Variants in CDYL2 observed in about 807,000 individuals in gnomAD.
The protein encoded by CDYL2 is chromodomain Y-like protein 2.
Under a neutral mutation model 49.4 loss-of-function variants are expected in CDYL2, and 23 were observed. The ratio of observed to expected loss-of-function variants is 0.47; its 90% confidence interval spans 0.34 to 0.66. The LOEUF is 0.66. Ranked by LOEUF, CDYL2 falls within the 30% of genes least tolerant of loss-of-function variation. CDYL2 has a pLI of 0.01. For synonymous variants in CDYL2, 360 were observed against 268.8 expected, an observed-to-expected ratio of 1.34 and a Z score of -3.32; for missense variants, 678 against 656.4, an observed-to-expected ratio of 1.03 and a Z score of -0.36.
At chr16:80,727,737 C>T (rs1015096376) in intron 1 of CDYL2, among the ~76,000 whole-genome samples, 60 of 152,304 alleles carry the variant, frequency 3.9e-4, no homozygotes, top group African/African-American at 1.2e-3. Context: ...TCTCCCAGCA[C>T]GCAGCGGGAG....
intron 1 of CDYL2, among the ~76,000 whole-genome samples, chr16:80,765,136 A>ATTATAGTACTATATAT (rs1906675577): frequency 6.9e-6 from 1 of 144,394 alleles, no homozygotes. Context: ...GTACTATATA[A>ATTATAGTACTATATAT]TATATAGTAC....
chr16:80,663,385 C>T (rs1247289655), intron 2 of CDYL2, among the ~76,000 whole-genome samples: 3 of 151,850 alleles, frequency 2.0e-5, no homozygotes, highest in African/African-American at 7.3e-5. Flanking sequence ...GCTCTCAGGA[C>T]CTGAATGCAA....
chr16:80,606,105 CCCTGGCT>C (rs1218041980), intron 6 of CDYL2, among the ~76,000 whole-genome samples: 1 of 152,224 alleles, frequency 6.6e-6, no homozygotes, highest in African/African-American at 2.4e-5. Flanking sequence ...GATGGCAGCT[CCCTGGCT>C]CCAGCAGACT....
chr16:80,728,477 T>G (rs544428168), intron 1 of CDYL2, among the ~76,000 whole-genome samples: 1 of 152,228 alleles, frequency 6.6e-6, no homozygotes, highest in Non-Finnish European at 1.5e-5. Context: ...CTGATTGGTG[T>G]ACCTGAAAGT....
At chr16:80,627,087 A>G (rs1014170287) in intron 3 of CDYL2, among the ~76,000 whole-genome samples, 1 of 152,166 alleles carries the variant, frequency 6.6e-6, no homozygotes, top group Non-Finnish European at 1.5e-5. Context: ...CTGGATGTCA[A>G]TCTGAATTGA....
intron 1 of CDYL2, among the ~76,000 whole-genome samples, chr16:80,793,047 A>G (rs1025682000): frequency 3.3e-5 from 5 of 152,148 alleles, no homozygotes; most frequent in African/African-American, 9.7e-5. Flanking sequence ...CCTGCTTTCC[A>G]CATTTCCTTA....
chr16:80,666,155 G>A (rs1909253975), intron 2 of CDYL2, among the ~76,000 whole-genome samples: 1 of 152,152 alleles, frequency 6.6e-6, no homozygotes, highest in Non-Finnish European at 1.5e-5. Context: ...CTCAAAAGCT[G>A]GTAAGACCTG....
chr16:80,703,718 C>T (rs964077502), intron 1 of CDYL2, among the ~76,000 whole-genome samples: 2 of 152,142 alleles, frequency 1.3e-5, no homozygotes, highest in Admixed American at 6.5e-5. Flanking sequence ...GGCTTCTCCA[C>T]GGCTATTCCT....
rs376651338 is a variant in CDYL2, at chr16:80,633,137, C to T, written c.716G>A (p.Ser239Asn). Reference sequence around the variant, plus strand: ...ACAGTTGCTTTCATTCTGGCGGACACTGTATCTGAGCCTTTTGTCAAAGAC... The same window carrying T: ...ACAGTTGCTTTCATTCTGGCGGACATTGTATCTGAGCCTTTTGTCAAAGAC... ...DYVFDKRLRY[S>N]VRQNESNCRF... The change falls in exon 3 of 7, where the codon AGT (serine) becomes AAT (asparagine). Residue 239 changes from serine (S) to asparagine (N), a missense_variant. By Grantham distance (46) the Ser-to-Asn change is conservative. Around this residue, in one of 3 missense-constraint regions of CDYL2, gnomAD observed 478 missense variants for 427.0 expected, o/e 1.12. Coordinates refer to ENST00000570137, the MANE Select transcript of CDYL2 (RefSeq NM_152342.4). The T allele has an allele frequency of 1.2e-6, 2 of 1,614,126 alleles. No homozygotes were observed. The highest frequency in any genetic ancestry group is 1.7e-6 in the Non-Finnish European group (2 of 1,180,046).
At position 80,625,326 on chromosome 16, in the gene CDYL2, G is replaced by T. The variant is rs369678879; in HGVS notation, c.835-4391C>A. 7.9e-5 allele frequency among the ~76,000 whole-genome samples: 12 copies of T among 152,296 alleles called. No individual in the cohort carries two copies. The East Asian group carries it at 2.1e-3, about 27-fold the overall frequency. The stretch of plus-strand genomic sequence containing the variant: ...ATCAAAGGCAATAATGCCGAGCTGG[G>T]TCTTCCTCACCTTCTCAGTTTGTGT... On this transcript the variant is annotated intron_variant, in intron 3 of 6. Transcript: ENST00000570137.
intron 5 of CDYL2, among the ~76,000 whole-genome samples, chr16:80,610,835 C>A (rs114001983): frequency 0.015 from 2,304 of 152,266 alleles, 60 homozygotes; most frequent in African/African-American, 0.051. Flanking sequence ...TTGTGGGTCT[C>A]CTATGACCTA....
intron 2 of CDYL2, among the ~76,000 whole-genome samples, chr16:80,652,943 T>C (rs1908647943): frequency 1.3e-5 from 2 of 152,212 alleles, no homozygotes; most frequent in Non-Finnish European, 2.9e-5. Flanking sequence ...TGATTAAACA[T>C]AATATTCTCT....
intron 1 of CDYL2, among the ~76,000 whole-genome samples, chr16:80,766,159 T>C (rs1161309133): frequency 2.6e-5 from 4 of 151,920 alleles, no homozygotes; most frequent in African/African-American, 7.3e-5. Context: ...ATGACCACTG[T>C]TCCAAAACTG....
chr16:80,602,400 C>G lies in CDYL2; in HGVS notation c.*1988G>C, dbSNP rs33943240. On this transcript the variant is annotated 3_prime_UTR_variant, in exon 7 of 7. Coordinates refer to ENST00000570137, the MANE Select transcript of CDYL2 (RefSeq NM_152342.4). The stretch of plus-strand genomic sequence containing the variant: ...CCCTCATGAACTCTTAAAGGAGACA[C>G]GCTTTCCAGGGAGGGAACCAAGGTC... 0.25 allele frequency: 38,494 copies of G among 151,976 alleles called. 5,774 individuals carry two copies. Among genetic ancestry groups the G allele is most frequent in the African/African-American group, 0.4 (16,652 of 41,394 alleles). The allele number at this position is 151,976 out of a possible 1,614,324, so 9.4% of individuals were successfully genotyped here. A position where few individuals can be genotyped will look rare whatever the true frequency, so the allele number is the denominator to read the frequency against.
intron 2 of CDYL2, among the ~76,000 whole-genome samples, chr16:80,683,885 T>C (rs72806190): frequency 0.013 from 1,935 of 152,308 alleles, 20 homozygotes; most frequent in Middle Eastern, 0.037. Context: ...GCCTTCAGAA[T>C]TGTGAGAAAT....
chr16:80,602,909 TCCTG>T lies in CDYL2; in HGVS notation c.*1475_*1478del, dbSNP rs56844080. On this transcript the variant is annotated 3_prime_UTR_variant, in exon 7 of 7. Transcript: ENST00000570137. ...TTTGTCTGCTCTCAACTTCAGGTTT[TCCTG>T]AACTTTCTCCTCACCACTCAAAACC... 0.46 allele frequency: 69,964 copies of T among 151,504 alleles called. 17,358 individuals carry two copies. The highest frequency in any genetic ancestry group is 0.65 in the African/African-American group (26,855 of 41,198). The allele number at this position is 151,504 out of a possible 1,614,324, so 9.4% of individuals were successfully genotyped here.
In CDYL2 at chr16:80,604,207, G is replaced by C. The variant is rs879108551; in HGVS notation, c.*181C>G. On this transcript the variant is annotated 3_prime_UTR_variant, in exon 7 of 7. Transcript: ENST00000570137. ...AGGTGGGGGAGGCCAAGTATGCTGC[G>C]TTTTCCATCCATTACACAAAATCAA... 7.4e-6 allele frequency: 5 copies of C among 672,758 alleles called. No individual in the cohort carries two copies. The highest frequency in any genetic ancestry group is 2.8e-5 in the Admixed American group (1 of 35,522). 41.7% of individuals were successfully genotyped at this position (672,758 alleles called of 1,614,324 possible). A position where few individuals can be genotyped will look rare whatever the true frequency, so the allele number is the denominator to read the frequency against.
In CDYL2 at chr16:80,685,092, C is replaced by T. The variant is rs1264674884; in HGVS notation, c.62G>A (p.Gly21Glu). The T allele has an allele frequency of 6.2e-7, 1 of 1,613,840 alleles. No individual in the cohort carries two copies. The change falls in exon 2 of 7, where the codon GGA (glycine) becomes GAA (glutamate). Residue 21 changes from glycine (G) to glutamate (E), a missense_variant. By Grantham distance (98) the Gly-to-Glu change is moderately conservative. Coordinates refer to ENST00000570137, the MANE Select transcript of CDYL2 (RefSeq NM_152342.4). ...CCATCGGATAAGATACTCCCATTTT[C>T]CTTTCTTGTTCTTCCTCTTGTCTAC... is the stretch of plus-strand genomic sequence containing the variant. ...RIVDKRKNKK[G>E]KWEYLIRWKG...
At chr16:80,801,453 C>T (rs776772644) in intron 1 of CDYL2, among the ~76,000 whole-genome samples, 2 of 152,180 alleles carry the variant, frequency 1.3e-5, no homozygotes, top group African/African-American at 2.4e-5. Flanking sequence ...GTCTGAAATG[C>T]CAAAGAAAAG....
Sources: allele counts gnomAD v4.1 joint callset (sites outside exome capture counted in the v4.1 genomes callset), GRCh38; gene constraint gnomAD v4.1.1; regional missense constraint gnomAD v4.1.1; transcripts MANE v1.5; gene names NCBI Gene and HGNC (gene_info 2026-07-23, HGNC 2026-07-21).